The following LRRFIP2 variants were observed in gnomAD, a reference collection of about 807,000 sequenced individuals.
LRRFIP2 encodes leucine-rich repeat flightless-interacting protein 2.
A neutral mutation model predicts 125.9 loss-of-function variants in LRRFIP2; 109 were observed. The observed-to-expected ratio is 0.87, with a 90% CI of 0.74 to 1.01. LRRFIP2 has a LOEUF of 1.01. LRRFIP2 is among the 50% of genes least tolerant of loss of function. The pLI is 0.00. For missense variants in LRRFIP2, 850 were observed against 862.3 expected (o/e 0.99, Z 0.18); for synonymous variants, 291 against 293.1 (o/e 0.99, Z 0.07).
At chr3:37,108,176 T>C (rs758267672) in intron 12 of LRRFIP2, 47 bp from the exon 13 acceptor site, 2 of 1,444,794 alleles carry the variant, frequency 1.4e-6, no homozygotes, top group South Asian at 1.1e-5. Context: ...GATCACCTCA[T>C]TATTCTAATG....
chr3:37,160,196 T>G (rs1454219505), intron 1 of LRRFIP2, among the ~76,000 whole-genome samples: 1 of 151,840 alleles, frequency 6.6e-6, no homozygotes, highest in African/African-American at 2.4e-5. Context: ...GAGTAGGAAG[T>G]GTGGGCTTAG....
At chr3:37,158,186 G>C (rs1294530479) in intron 1 of LRRFIP2, among the ~76,000 whole-genome samples, 2 of 152,150 alleles carry the variant, frequency 1.3e-5, no homozygotes, top group African/African-American at 4.8e-5. Context: ...CCACTTTCTA[G>C]TACCATTCAA....
chr3:37,058,343 G>A (rs2087511448), intron 25 of LRRFIP2, among the ~76,000 whole-genome samples: 1 of 152,156 alleles, frequency 6.6e-6, no homozygotes, highest in Admixed American at 6.5e-5. Context: ...ACTAGCCAAG[G>A]ACTAACCAAT....
Position 37,100,396 on chromosome 3 carries a change from ATG to A in LRRFIP2, c.873+2526_873+2527del, listed in dbSNP as rs751420835. 4.0e-5 allele frequency among the ~76,000 whole-genome samples: 6 copies of A among 151,724 alleles called. No homozygotes were observed. The East Asian group carries it at 1.2e-3, about 29-fold the overall frequency. ...CATACATGTATACATACATACATAC[ATG>A]TGTATGTATATATACATATACATAC... is the stretch of plus-strand genomic sequence containing the variant. On this transcript the variant is annotated intron_variant, in intron 15 of 27. Coordinates refer to ENST00000336686, the MANE Select transcript of LRRFIP2 (RefSeq NM_006309.4).
chr3:37,106,552 A>G (rs568007068), intron 13 of LRRFIP2, among the ~76,000 whole-genome samples: 4 of 152,242 alleles, frequency 2.6e-5, no homozygotes, highest in African/African-American at 9.6e-5. Flanking sequence ...ACACACCTGC[A>G]GTCCCAGCTA....
intron 1 of LRRFIP2, among the ~76,000 whole-genome samples, chr3:37,160,858 C>T (rs2096319638): frequency 6.6e-6 from 1 of 151,010 alleles, no homozygotes; most frequent in South Asian, 2.1e-4. Flanking sequence ...AAAAACACAA[C>T]AGAAATAATC....
intron 1 of LRRFIP2, among the ~76,000 whole-genome samples, chr3:37,161,823 A>G (rs1052449894): frequency 3.9e-5 from 6 of 152,058 alleles, no homozygotes; most frequent in Middle Eastern, 3.4e-3. Flanking sequence ...GAGGTAGAAA[A>G]TAAGAAAGAA....
At chr3:37,105,066 A>G (rs2094250661) in intron 14 of LRRFIP2, among the ~76,000 whole-genome samples, 1 of 152,218 alleles carries the variant, frequency 6.6e-6, no homozygotes, top group Admixed American at 6.5e-5. Flanking sequence ...CAATATAGAA[A>G]GCAATTAATG....
At chr3:37,085,453 A>G (rs2092972295) in intron 18 of LRRFIP2, among the ~76,000 whole-genome samples, 8 of 151,544 alleles carry the variant, frequency 5.3e-5, no homozygotes, top group Admixed American at 4.6e-4. Flanking sequence ...CCCAGGAGGC[A>G]GAGGTTGCAG....
At chr3:37,098,990 T>C (rs2093879055) in intron 15 of LRRFIP2, among the ~76,000 whole-genome samples, 1 of 152,210 alleles carries the variant, frequency 6.6e-6, no homozygotes, top group Non-Finnish European at 1.5e-5. Context: ...TTTAATAGAC[T>C]GTCCATGGAA....
rs1203048862 is a variant in LRRFIP2, at chr3:37,065,296, A to G, written c.1699+514T>C. The G allele has an allele frequency of 3.4e-5, 8 of 234,052 alleles. No homozygotes were observed. In the East Asian group the frequency reaches 5.3e-4, roughly 15 times the overall value. 14.5% of individuals were successfully genotyped at this position (234,052 alleles called of 1,614,324 possible). On this transcript the variant is annotated intron_variant, in intron 23 of 27. Transcript: ENST00000336686. ...TCAAAGGGTTAAATTTAAGAGGTTT[A>G]GACTTTAAGAGTCTGGGAAGCCCTG... is the stretch of plus-strand genomic sequence containing the variant.
intron 6 of LRRFIP2, among the ~76,000 whole-genome samples, chr3:37,115,382 T>C (rs1242689844): frequency 1.3e-5 from 2 of 152,224 alleles, no homozygotes; most frequent in Non-Finnish European, 2.9e-5. Context: ...CTCAGTACAC[T>C]ATAGCACAAA....
At chr3:37,127,469 A>G (rs921680814) in intron 4 of LRRFIP2, among the ~76,000 whole-genome samples, 161 bp downstream of exon 4, 3 of 152,244 alleles carry the variant, frequency 2.0e-5, no homozygotes, top group Non-Finnish European at 2.9e-5. Flanking sequence ...CAGGACTCCA[A>G]GTATACCTCT....
intron 1 of LRRFIP2, among the ~76,000 whole-genome samples, chr3:37,168,909 T>C (rs2096547316): frequency 6.6e-6 from 1 of 152,230 alleles, no homozygotes; most frequent in Non-Finnish European, 1.5e-5. Context: ...CCTGAGTACC[T>C]GGAATTACAG....
chr3:37,053,656 C>A lies in LRRFIP2; in HGVS notation c.*195G>T. On this transcript the variant is annotated 3_prime_UTR_variant, in exon 28 of 28. Coordinates refer to ENST00000336686, the MANE Select transcript of LRRFIP2 (RefSeq NM_006309.4). ...GGACTGGTTCTACCCTAGAATCAAACTACAACAAAATCCAAAGTGTTCATT... is the reference window on the plus strand; with the variant it reads ...GGACTGGTTCTACCCTAGAATCAAAATACAACAAAATCCAAAGTGTTCATT... 1 of 568,212 alleles carries A rather than the reference C, an allele frequency of 1.8e-6. No individual in the cohort carries two copies. The highest frequency in any genetic ancestry group is 3.2e-6 in the Non-Finnish European group (1 of 316,972). 35.2% of individuals were successfully genotyped at this position (568,212 alleles called of 1,614,324 possible).
At chr3:37,140,022 T>C (rs2095652877) in intron 2 of LRRFIP2, among the ~76,000 whole-genome samples, 1 of 152,244 alleles carries the variant, frequency 6.6e-6, no homozygotes, top group African/African-American at 2.4e-5. Flanking sequence ...CTGTCTTTTC[T>C]GGACTTTCAA....
chr3:37,137,285 C>A (rs1409032204), intron 2 of LRRFIP2, among the ~76,000 whole-genome samples: 2 of 152,024 alleles, frequency 1.3e-5, no homozygotes, highest in Admixed American at 1.3e-4. Context: ...GCCTTATTTT[C>A]TTTTCTTCCA....
At chr3:37,055,426 C>T (rs1286137860) in intron 25 of LRRFIP2, among the ~76,000 whole-genome samples, 3 of 152,094 alleles carry the variant, frequency 2.0e-5, no homozygotes, top group Non-Finnish European at 2.9e-5. Context: ...ATTAGCTGGG[C>T]GTGGTGGCAC....
At chr3:37,143,523 C>A in intron 2 of LRRFIP2, 2 of 252,342 alleles carry the variant, frequency 7.9e-6, no homozygotes, top group South Asian at 1.2e-4. Flanking sequence ...TTGATGTAGT[C>A]ATCGACTTTA....
Sources: allele counts gnomAD v4.1 joint callset (sites outside exome capture counted in the v4.1 genomes callset), GRCh38; gene constraint gnomAD v4.1.1; transcripts MANE v1.5; gene names NCBI Gene and HGNC (gene_info 2026-07-23, HGNC 2026-07-21).